Variants in KLF12 observed in about 807,000 individuals in gnomAD.
KLF12 encodes Krueppel-like factor 12.
In KLF12, 9 loss-of-function variants were observed where a neutral mutation model predicts 37.8. The observed-to-expected ratio is 0.24, with a 90% CI of 0.14 to 0.42. The LOEUF (loss-of-function observed/expected upper bound fraction) is 0.42. Ranked by LOEUF, KLF12 falls within the 10% of genes least tolerant of loss-of-function variation. The pLI, the probability that KLF12 is intolerant of heterozygous loss-of-function variation, is 1.00. For synonymous variants in KLF12, 208 were observed against 202.1 expected (o/e 1.03, Z -0.25); for missense variants, 411 against 516.0 (o/e 0.80, Z 1.97).
At chr13:73,807,958 T>G (rs1882733344) in intron 5 of KLF12, among the ~76,000 whole-genome samples, 1 of 152,146 alleles carries the variant, frequency 6.6e-6, no homozygotes, top group South Asian at 2.1e-4. Context: ...ATGAGCATTA[T>G]GAATGTTTGG....
the KLF12 span, among the ~76,000 whole-genome samples, chr13:74,275,770 G>T: frequency 6.8e-6 from 1 of 147,938 alleles, no homozygotes; most frequent in South Asian, 2.1e-4. Context: ...ACGCCATTAT[G>T]CCTGTCTTTT....
At chr13:73,815,293 G>A (rs1883156378) in intron 4 of KLF12, among the ~76,000 whole-genome samples, 1 of 152,108 alleles carries the variant, frequency 6.6e-6, no homozygotes, top group Non-Finnish European at 1.5e-5. Flanking sequence ...TCACTCGAAG[G>A]GCACTTGAAG....
chr13:74,164,436 T>C, the KLF12 span, among the ~76,000 whole-genome samples: 1 of 152,200 alleles, frequency 6.6e-6, no homozygotes, highest in Admixed American at 6.5e-5. Flanking sequence ...GTAGAAAGTG[T>C]TAACACATGA....
At chr13:73,851,643 G>C (rs17061583) in intron 3 of KLF12, among the ~76,000 whole-genome samples, 5,421 of 152,182 alleles carry the variant, frequency 0.036, 273 homozygotes, top group African/African-American at 0.11. Flanking sequence ...TTCTTTAGCA[G>C]TCTTATTATG....
intron 2 of KLF12, among the ~76,000 whole-genome samples, chr13:73,952,461 A>T (rs1385838122): frequency 6.6e-6 from 1 of 152,180 alleles, no homozygotes. Flanking sequence ...AGTGGTGCTA[A>T]ATCATTAGAA....
At chr13:74,198,780 G>A in the KLF12 span, among the ~76,000 whole-genome samples, 6,041 of 152,270 alleles carry the variant, frequency 0.04, 373 homozygotes, top group African/African-American at 0.14. Flanking sequence ...CATCCAGGGG[G>A]CTGGAAGTCC....
chr13:74,113,128 G>T (rs1005039101), intron 1 of KLF12, among the ~76,000 whole-genome samples: 2 of 152,074 alleles, frequency 1.3e-5, no homozygotes, highest in East Asian at 3.8e-4. Flanking sequence ...GTTGGAAGCC[G>T]GAAGAGTTTG....
chr13:73,823,496 C>T (rs189878698), intron 4 of KLF12, among the ~76,000 whole-genome samples: 2 of 152,182 alleles, frequency 1.3e-5, no homozygotes, highest in South Asian at 2.1e-4. Flanking sequence ...GTATGCTCTC[C>T]GTGCCTCATT....
At chr13:73,817,422 A>C (rs950871002) in intron 4 of KLF12, among the ~76,000 whole-genome samples, 2 of 151,358 alleles carry the variant, frequency 1.3e-5, no homozygotes, top group East Asian at 3.8e-4. Context: ...GTTGTAGGGC[A>C]GCAATAAAAA....
At chr13:73,782,523 G>A (rs1881029698) in intron 5 of KLF12, among the ~76,000 whole-genome samples, 1 of 152,200 alleles carries the variant, frequency 6.6e-6, no homozygotes, top group Non-Finnish European at 1.5e-5. Flanking sequence ...TTATCATGAA[G>A]AAATGTTTAA....
intron 1 of KLF12, among the ~76,000 whole-genome samples, chr13:74,115,852 A>G (rs1459080899): frequency 6.6e-6 from 1 of 152,052 alleles, no homozygotes; most frequent in Non-Finnish European, 1.5e-5. Context: ...TTGTAAGGAC[A>G]CTTGTCACTG....
intron 6 of KLF12, among the ~76,000 whole-genome samples, chr13:73,759,797 T>A (rs1879429586): frequency 6.6e-6 from 1 of 152,104 alleles, no homozygotes; most frequent in South Asian, 2.1e-4. Flanking sequence ...AGCCTTGAAG[T>A]TGGTAATTTG....
chr13:73,721,716 T>A (rs1353780249), intron 6 of KLF12, among the ~76,000 whole-genome samples: 1 of 103,788 alleles, frequency 9.6e-6, no homozygotes, highest in African/African-American at 2.9e-5. Flanking sequence ...CATGCCTAGT[T>A]AATTTTTTTT....
chr13:74,179,599 C>T, the KLF12 span, among the ~76,000 whole-genome samples: 34 of 152,302 alleles, frequency 2.2e-4, no homozygotes, highest in East Asian at 6.0e-3. Flanking sequence ...TTTAACTTCT[C>T]CCTGACCTCC....
intron 1 of KLF12, among the ~76,000 whole-genome samples, chr13:74,108,720 A>T (rs919957981): frequency 2.0e-5 from 3 of 152,232 alleles, no homozygotes; most frequent in African/African-American, 4.8e-5. Context: ...AAAGTTATTT[A>T]AAAAATCGTA....
At chr13:74,065,201 TAC>T (rs77575006) in intron 1 of KLF12, among the ~76,000 whole-genome samples, 24,894 of 111,964 alleles carry the variant, frequency 0.22, 2,502 homozygotes, top group Non-Finnish European at 0.33. Flanking sequence ...ATCTGATTCT[TAC>T]ACACACACAC....
intron 1 of KLF12, among the ~76,000 whole-genome samples, chr13:74,056,435 C>T (rs1439903041): frequency 6.6e-6 from 1 of 152,194 alleles, no homozygotes; most frequent in Non-Finnish European, 1.5e-5. Context: ...ATTAATAACA[C>T]TTCATATGGT....
At chr13:73,697,919 G>A (rs1166553152) in intron 7 of KLF12, among the ~76,000 whole-genome samples, 2 of 152,112 alleles carry the variant, frequency 1.3e-5, no homozygotes, top group Non-Finnish European at 1.5e-5. Flanking sequence ...TTGGGAGGCC[G>A]AGGTGGGAGA....
At chr13:73,834,576 T>C (rs761306540) in intron 4 of KLF12, among the ~76,000 whole-genome samples, 1 of 152,238 alleles carries the variant, frequency 6.6e-6, no homozygotes, top group Non-Finnish European at 1.5e-5. Context: ...AGTGGTATGA[T>C]CTCGGCTCAC....
Sources: allele counts gnomAD v4.1 joint callset (sites outside exome capture counted in the v4.1 genomes callset), GRCh38; gene constraint gnomAD v4.1.1; transcripts MANE v1.5; gene names NCBI Gene and HGNC (gene_info 2026-07-23, HGNC 2026-07-21).